Variants in DLGAP1 observed in about 807,000 individuals in gnomAD.
DLGAP1 encodes disks large-associated protein 1.
DLGAP1 carries 11 observed loss-of-function variants against 90.8 expected under a neutral mutation model. That is an observed-to-expected ratio of 0.12 (90% confidence interval 0.08 to 0.20). The LOEUF is 0.20. Ranked by LOEUF, DLGAP1 falls within the 10% of genes least tolerant of loss-of-function variation. The pLI is 1.00. For synonymous variants in DLGAP1, 558 were observed against 540.7 expected (o/e 1.03, Z -0.44); for missense variants, 1,050 against 1,333.8 (o/e 0.79, Z 3.31).
intron 2 of DLGAP1, among the ~76,000 whole-genome samples, chr18:4,110,626 G>A (rs538858597): frequency 1.1e-4 from 17 of 152,150 alleles, no homozygotes; most frequent in Non-Finnish European, 1.8e-4. Context: ...GAAAATGCTG[G>A]TTAGGTTTCT....
intron 5 of DLGAP1, among the ~76,000 whole-genome samples, chr18:3,780,006 T>C (rs929098146): frequency 6.6e-6 from 1 of 152,094 alleles, no homozygotes; most frequent in Non-Finnish European, 1.5e-5. Flanking sequence ...CAGGCTGGTC[T>C]CAAACTCTTG....
intron 1 of DLGAP1, among the ~76,000 whole-genome samples, chr18:4,403,674 C>T (rs184123056): frequency 2.1e-3 from 325 of 152,144 alleles, no homozygotes; most frequent in African/African-American, 7.1e-3. Flanking sequence ...AAATTTGTTC[C>T]TATGTGCATG....
intron 1 of DLGAP1, among the ~76,000 whole-genome samples, chr18:4,243,087 T>A (rs1400712398): frequency 6.6e-6 from 1 of 151,760 alleles, no homozygotes; most frequent in Admixed American, 6.6e-5. Context: ...TTAGATGGTG[T>A]GTTGTGAGGC....
At position 3,527,410 on chromosome 18, in the gene DLGAP1, C is replaced by CTGTTTTTTTTTTTTTTT. The variant is rs1555668846; in HGVS notation, c.2479+6783_2479+6784insAAAAAAAAAAAAAAACA. Among the ~76,000 whole-genome samples the CTGTTTTTTTTTTTTTTT allele has an allele frequency of 9.9e-5, 10 of 100,684 alleles. 1 individual carries two copies. The highest frequency in any genetic ancestry group is 3.5e-4 in the South Asian group (1 of 2,866). The allele number at this position is 100,684 out of a possible 152,430, so 66.1% of individuals were successfully genotyped here. On this transcript the variant is annotated intron_variant, in intron 10 of 12. Coordinates refer to ENST00000315677, the MANE Select transcript of DLGAP1 (RefSeq NM_004746.4). The stretch of plus-strand genomic sequence containing the variant: ...GTGAGTAAACAGGTTATTTTCCAAA[C>CTGTTTTTTTTTTTTTTT]TTTTTTTTTTTTTTTTTTTTTTGCC...
intron 3 of DLGAP1, among the ~76,000 whole-genome samples, chr18:3,972,404 C>T (rs191555231): frequency 5.9e-5 from 9 of 151,880 alleles, no homozygotes; most frequent in Admixed American, 1.3e-4. Context: ...TATAACTCTC[C>T]CTAGTCCTCT....
At chr18:4,366,785 A>G (rs2081780139) in intron 1 of DLGAP1, among the ~76,000 whole-genome samples, 1 of 151,982 alleles carries the variant, frequency 6.6e-6, no homozygotes, top group South Asian at 2.1e-4. Context: ...GATAATGTGA[A>G]ATGACATTAA....
intron 3 of DLGAP1, among the ~76,000 whole-genome samples, chr18:3,976,191 C>CAATAATAATAATAATAATAAT (rs71160926): frequency 1.7e-4 from 22 of 132,808 alleles, no homozygotes; most frequent in African/African-American, 6.2e-4. Flanking sequence ...ACTAAAAATA[C>CAATAATAATAATAATAATAAT]AATAATAATA....
At chr18:4,217,230 C>T (rs1269765750) in intron 1 of DLGAP1, among the ~76,000 whole-genome samples, 1 of 152,090 alleles carries the variant, frequency 6.6e-6, no homozygotes, top group Non-Finnish European at 1.5e-5. Context: ...TTCTTTTTAG[C>T]ATTGAATAAT....
At chr18:4,318,892 G>C (rs570464248) in intron 1 of DLGAP1, among the ~76,000 whole-genome samples, 1 of 152,304 alleles carries the variant, frequency 6.6e-6, no homozygotes, top group African/African-American at 2.4e-5. Context: ...CAAAATTTCA[G>C]TTGGATAGGA....
chr18:3,661,503 T>C (rs953174952), intron 7 of DLGAP1, among the ~76,000 whole-genome samples: 1 of 151,694 alleles, frequency 6.6e-6, no homozygotes, highest in East Asian at 1.9e-4. Flanking sequence ...AAAGGCCACA[T>C]GCAGACACTC....
rs533517294 is a variant in DLGAP1 at position 4,377,193 on chromosome 18, T to A, written c.-267+77813A>T. On this transcript the variant is annotated intron_variant, in intron 1 of 12. Transcript: ENST00000315677. ...CAGTCATAATGGCTACATTTGTGGA[T>A]GATGCTCCCTCTAGAACTGGATGCA... Among the ~76,000 whole-genome samples the A allele has an allele frequency of 7.6e-4, 116 of 152,168 alleles. No individual in the cohort carries two copies. In the South Asian group the frequency reaches 0.011, roughly 14 times the overall value.
chr18:3,699,089 C>T (rs1401805557), intron 7 of DLGAP1, among the ~76,000 whole-genome samples: 9 of 152,108 alleles, frequency 5.9e-5, no homozygotes, highest in South Asian at 2.1e-4. Flanking sequence ...GGTTAGAACA[C>T]GCTCCTTTTG....
rs1413971617 is a variant in DLGAP1, at chr18:3,708,626, C to T, written c.1591+20509G>A. The T allele has an allele frequency of 7.0e-6, 3 of 428,428 alleles. No homozygotes were observed. In the East Asian group the frequency reaches 2.1e-4, roughly 31 times the overall value. 26.5% of individuals were successfully genotyped at this position (428,428 alleles called of 1,614,324 possible). On this transcript the variant is annotated intron_variant, in intron 7 of 12. Coordinates refer to ENST00000315677, the MANE Select transcript of DLGAP1 (RefSeq NM_004746.4). ...GCGATGGGCATCTGGACTTAAGTGG[C>T]TTTAAATTTTGGGGCACACTCTACA...
chr18:4,363,637 CA>C (rs1056229047), intron 1 of DLGAP1, among the ~76,000 whole-genome samples: 2 of 151,808 alleles, frequency 1.3e-5, no homozygotes, highest in African/African-American at 2.4e-5. Context: ...TTTATGCAGT[CA>C]AAAAACACAT....
intron 4 of DLGAP1, among the ~76,000 whole-genome samples, chr18:3,820,603 G>A (rs2067355121): frequency 6.6e-6 from 1 of 152,164 alleles, no homozygotes; most frequent in African/African-American, 2.4e-5. Context: ...CAGTGACTTA[G>A]GGATCAACCT....
intron 3 of DLGAP1, among the ~76,000 whole-genome samples, chr18:3,905,383 A>G (rs2071880931): frequency 1.3e-5 from 2 of 149,596 alleles, no homozygotes; most frequent in Admixed American, 1.3e-4. Flanking sequence ...AAAAAAAAAA[A>G]AAAAAAAAAG....
In DLGAP1 at chr18:4,455,033, G is replaced by T. The variant is rs1392870833; in HGVS notation, c.-294C>A. 6.6e-6 allele frequency: 1 copy of T among 151,458 alleles called. No individual in the cohort carries two copies. Among genetic ancestry groups the T allele is most frequent in the Non-Finnish European group, 1.5e-5 (1 of 67,882 alleles). The allele number at this position is 151,458 out of a possible 1,614,324, so 9.4% of individuals were successfully genotyped here. A position where few individuals can be genotyped will look rare whatever the true frequency, so the allele number is the denominator to read the frequency against. ...GGCCGCGTCCCGCAGTCCGGCCCTC[G>T]CTGGCTGCGTCCGTCCGTTGGTCCC... On this transcript the variant is annotated 5_prime_UTR_variant, in exon 1 of 13. Coordinates refer to ENST00000315677, the MANE Select transcript of DLGAP1 (RefSeq NM_004746.4).
At chr18:3,892,130 CACACACA>C (rs1209569767) in intron 3 of DLGAP1, 1 of 115,558 alleles carries the variant, frequency 8.7e-6, no homozygotes, top group Non-Finnish European at 1.7e-5. Context: ...CACACACACA[CACACACA>C]CACACACACA....
chr18:3,721,262 A>G (rs2061971938), intron 7 of DLGAP1, among the ~76,000 whole-genome samples: 1 of 152,184 alleles, frequency 6.6e-6, no homozygotes, highest in African/African-American at 2.4e-5. Context: ...ACTTAACCCA[A>G]GGGCACAGAC....
Sources: gnomAD v4.1 joint callset for allele counts (sites outside exome capture counted in the v4.1 genomes callset) on GRCh38, gnomAD v4.1.1 for gene constraint, MANE v1.5 for transcripts, NCBI Gene and HGNC (gene_info 2026-07-23, HGNC 2026-07-21) for gene names.